The following ADORA2B variants were observed in gnomAD, a reference collection of about 807,000 sequenced individuals.
ADORA2B encodes the protein adenosine receptor A2b.
ADORA2B carries 18 observed loss-of-function variants against 20.8 expected under a neutral mutation model. That is an observed-to-expected ratio of 0.87 (90% CI 0.60 to 1.29). The LOEUF (loss-of-function observed/expected upper bound fraction) is 1.29, where lower values mean the gene tolerates loss of function less well. ADORA2B is among the 50% of genes most tolerant of loss of function. ADORA2B has a pLI of 0.00. For synonymous variants in ADORA2B, 179 were observed against 178.3 expected, an observed-to-expected ratio of 1.00 and a Z score of -0.03; for missense variants, 441 against 422.7, an observed-to-expected ratio of 1.04 and a Z score of -0.38.
At chr17:15,867,708 G>A in the ADORA2B span, among the ~76,000 whole-genome samples, 2 of 149,124 alleles carry the variant, frequency 1.3e-5, no homozygotes, top group African/African-American at 5.0e-5. Context: ...CGCCCCGTCC[G>A]GGAGGTGAGG....
At position 15,974,623 on chromosome 17, in the gene ADORA2B, A is replaced by G; in HGVS notation, c.336-56A>G. The stretch of plus-strand genomic sequence containing the variant: ...GAAAAAAGAGGAGGTGGGGTCTTGG[A>G]TTGTGGTTGCAGAGCGCTATAAACT... On this transcript the variant is annotated intron_variant, in intron 1 of 1. Coordinates refer to ENST00000304222, the MANE Select transcript of ADORA2B (RefSeq NM_000676.4). The G allele has an allele frequency of 2.0e-5, 30 of 1,482,000 alleles. 1 individual carries two copies. The highest frequency in any genetic ancestry group is 2.8e-5 in the Non-Finnish European group (30 of 1,088,150). 91.8% of individuals were successfully genotyped at this position (1,482,000 alleles called of 1,614,324 possible).
intron 1 of ADORA2B, among the ~76,000 whole-genome samples, chr17:15,970,361 A>G (rs1970176410): frequency 6.6e-6 from 1 of 152,156 alleles, no homozygotes; most frequent in Non-Finnish European, 1.5e-5. Flanking sequence ...AGTTTTGCAC[A>G]TGTGTCGGAT....
chr17:15,860,156 C>T, the ADORA2B span, among the ~76,000 whole-genome samples: 7 of 152,162 alleles, frequency 4.6e-5, no homozygotes, highest in Non-Finnish European at 8.8e-5. Context: ...GACCCTCTCA[C>T]GTGGACCCCC....
At chr17:15,861,942 C>T in the ADORA2B span, among the ~76,000 whole-genome samples, 1 of 152,184 alleles carries the variant, frequency 6.6e-6, no homozygotes. Context: ...TACTTAGCAC[C>T]ACCCCTGCCC....
At chr17:15,866,399 G>A in the ADORA2B span, among the ~76,000 whole-genome samples, 42 of 152,164 alleles carry the variant, frequency 2.8e-4, no homozygotes, top group African/African-American at 1.0e-3. Context: ...TCTTTTGGCA[G>A]TGGAGATTGA....
chr17:15,923,928 T>C, the ADORA2B span, among the ~76,000 whole-genome samples: 5 of 152,196 alleles, frequency 3.3e-5, no homozygotes, highest in Non-Finnish European at 5.9e-5. Flanking sequence ...TTGTTTTGTT[T>C]TAAGACAGAG....
chr17:15,934,341 T>C, the ADORA2B span, among the ~76,000 whole-genome samples: 4 of 152,094 alleles, frequency 2.6e-5, no homozygotes, highest in African/African-American at 7.2e-5. Context: ...CAATTCTGCC[T>C]CAGCCTCCCA....
chr17:15,972,047 A>C (rs1970194288), intron 1 of ADORA2B, among the ~76,000 whole-genome samples: 1 of 152,190 alleles, frequency 6.6e-6, no homozygotes, highest in South Asian at 2.1e-4. Flanking sequence ...CAGTTGAGGG[A>C]TACCACAGGT....
At chr17:15,902,317 T>A in the ADORA2B span, among the ~76,000 whole-genome samples, 3 of 152,108 alleles carry the variant, frequency 2.0e-5, no homozygotes, top group Admixed American at 6.5e-5. Context: ...GTTCAAGCGA[T>A]TCTCCTGCCT....
intron 1 of ADORA2B, among the ~76,000 whole-genome samples, chr17:15,949,234 C>T (rs1013730037): frequency 5.3e-5 from 8 of 151,754 alleles, no homozygotes; most frequent in Admixed American, 4.6e-4. Flanking sequence ...AGCTATAGTC[C>T]AGGCACAGTG....
chr17:15,874,115 C>T, the ADORA2B span, among the ~76,000 whole-genome samples: 1 of 107,134 alleles, frequency 9.3e-6, no homozygotes, highest in Non-Finnish European at 2.2e-5. Flanking sequence ...CACATATATA[C>T]ATACACACAC....
intron 1 of ADORA2B, among the ~76,000 whole-genome samples, chr17:15,960,103 A>G (rs746964261): frequency 5.3e-5 from 8 of 152,088 alleles, no homozygotes; most frequent in Non-Finnish European, 7.4e-5. Context: ...CCCCATCTCT[A>G]TGAAAATTAA....
At chr17:15,895,485 C>T in the ADORA2B span, among the ~76,000 whole-genome samples, 1 of 152,016 alleles carries the variant, frequency 6.6e-6, no homozygotes, top group Admixed American at 6.6e-5. Context: ...ACAGCAAATC[C>T]GGAGCCGGGA....
At chr17:15,882,650 A>T in the ADORA2B span, among the ~76,000 whole-genome samples, 1 of 152,184 alleles carries the variant, frequency 6.6e-6, no homozygotes, top group Non-Finnish European at 1.5e-5. Context: ...TGAAGGAAGT[A>T]TCTATATCAA....
the ADORA2B span, among the ~76,000 whole-genome samples, chr17:15,865,477 G>T: frequency 9.9e-5 from 15 of 151,490 alleles, no homozygotes; most frequent in Non-Finnish European, 1.9e-4. Context: ...GGCCAGGCTG[G>T]TCTCAAACTC....
the ADORA2B span, among the ~76,000 whole-genome samples, chr17:15,898,927 T>C: frequency 6.6e-6 from 1 of 152,038 alleles, no homozygotes; most frequent in African/African-American, 2.4e-5. Flanking sequence ...AATACCGTGA[T>C]GTGGATTGAA....
chr17:15,874,728 T>C, the ADORA2B span, among the ~76,000 whole-genome samples: 4 of 151,988 alleles, frequency 2.6e-5, no homozygotes, highest in Non-Finnish European at 5.9e-5. Flanking sequence ...GAATATCACT[T>C]ATCGTGCCTT....
chr17:15,874,144 G>A, the ADORA2B span, among the ~76,000 whole-genome samples: 1 of 150,024 alleles, frequency 6.7e-6, no homozygotes, highest in Non-Finnish European at 1.5e-5. Context: ...ACACACCATG[G>A]AATGAATGAA....
At chr17:15,920,901 A>G in the ADORA2B span, among the ~76,000 whole-genome samples, 7 of 152,310 alleles carry the variant, frequency 4.6e-5, 1 homozygote, top group South Asian at 8.3e-4. Flanking sequence ...AGATTGCACA[A>G]CTGTAGGCAT....
Sources: allele counts gnomAD v4.1 joint callset (sites outside exome capture counted in the v4.1 genomes callset), GRCh38; gene constraint gnomAD v4.1.1; transcripts MANE v1.5; gene names NCBI Gene and HGNC (gene_info 2026-07-23, HGNC 2026-07-21).